The following TRABD2B variants were observed in gnomAD, a reference collection of about 807,000 sequenced individuals.
TRABD2B encodes the protein metalloprotease TIKI2.
Under a neutral mutation model 40.1 loss-of-function variants are expected in TRABD2B, and 14 were observed. That is an observed-to-expected ratio of 0.35 (90% CI 0.23 to 0.55). The LOEUF is 0.55. TRABD2B is among the 20% of genes least tolerant of loss of function. The pLI is 0.90. For synonymous variants in TRABD2B, 263 were observed against 277.0 expected, an observed-to-expected ratio of 0.95 and a Z score of 0.50; for missense variants, 541 against 648.6, an observed-to-expected ratio of 0.83 and a Z score of 1.80.
At chr1:47,942,576 C>T (rs2148364849) in intron 2 of TRABD2B, among the ~76,000 whole-genome samples, 1 of 152,260 alleles carries the variant, frequency 6.6e-6, no homozygotes, top group Admixed American at 6.5e-5. Context: ...ACCTACTGCC[C>T]TCCTGATCAG....
intron 4 of TRABD2B, 117 bp downstream of exon 4, chr1:47,794,469 G>T: frequency 8.3e-7 from 1 of 1,202,532 alleles, no homozygotes; most frequent in Non-Finnish European, 1.1e-6. Flanking sequence ...GCACTGTGTG[G>T]CTTTTCCTGC....
chr1:47,917,504 T>C (rs1490767561), intron 2 of TRABD2B, among the ~76,000 whole-genome samples: 7 of 152,082 alleles, frequency 4.6e-5, no homozygotes, highest in African/African-American at 1.7e-4. Flanking sequence ...GAGGATTGCT[T>C]GAGCCCAGGA....
intron 2 of TRABD2B, among the ~76,000 whole-genome samples, chr1:47,916,934 C>T (rs1329326767): frequency 6.6e-6 from 1 of 152,258 alleles, no homozygotes; most frequent in Non-Finnish European, 1.5e-5. Context: ...AAGCACTGTA[C>T]ACAGTTTAAC....
intron 2 of TRABD2B, among the ~76,000 whole-genome samples, chr1:47,943,352 TCCCATTATTA>T (rs1479502855): frequency 5.3e-5 from 8 of 152,206 alleles, no homozygotes; most frequent in African/African-American, 9.7e-5. Context: ...AGCTTCTACG[TCCCATTATTA>T]CAAGTCAATA....
chr1:47,900,116 C>T (rs1644579715), intron 2 of TRABD2B, among the ~76,000 whole-genome samples: 1 of 152,140 alleles, frequency 6.6e-6, no homozygotes, highest in African/African-American at 2.4e-5. Flanking sequence ...TGGAAACCAC[C>T]TCAGAGTCGG....
intron 3 of TRABD2B, among the ~76,000 whole-genome samples, chr1:47,799,639 CAAGT>C (rs980841777): frequency 2.0e-5 from 3 of 152,076 alleles, no homozygotes; most frequent in South Asian, 2.1e-4. Flanking sequence ...CGTGTGGGGG[CAAGT>C]ACTGATGGAA....
chr1:47,895,169 G>C (rs1644499924), intron 2 of TRABD2B, among the ~76,000 whole-genome samples: 1 of 152,156 alleles, frequency 6.6e-6, no homozygotes, highest in African/African-American at 2.4e-5. Context: ...CAGGGAGGAA[G>C]ACCTGAGTTT....
At chr1:47,872,181 C>T (rs1238015150) in intron 2 of TRABD2B, among the ~76,000 whole-genome samples, 1 of 152,170 alleles carries the variant, frequency 6.6e-6, no homozygotes, top group East Asian at 1.9e-4. Context: ...TGTCTGTGGG[C>T]TCAGGCCTGT....
intron 2 of TRABD2B, among the ~76,000 whole-genome samples, chr1:47,894,516 A>G (rs1290241533): frequency 6.6e-6 from 1 of 152,186 alleles, no homozygotes; most frequent in East Asian, 1.9e-4. Flanking sequence ...CCTAATACCA[A>G]GTGCCACGAA....
chr1:47,990,768 GTTTTATATATATATATATATATATAT>G (rs1266150691), intron 2 of TRABD2B, among the ~76,000 whole-genome samples: 25 of 44,938 alleles, frequency 5.6e-4, no homozygotes, highest in Non-Finnish European at 6.4e-4. Flanking sequence ...TAAAACGTTG[GTTTTATATATATATATATATATATAT>G]ATATATATAT....
At chr1:47,977,620 A>G (rs900884821) in intron 2 of TRABD2B, among the ~76,000 whole-genome samples, 23 of 151,908 alleles carry the variant, frequency 1.5e-4, no homozygotes, top group African/African-American at 5.3e-4. Context: ...CAGAACCCCA[A>G]ATCTCTGACT....
chr1:47,927,820 A>C (rs1644989742), intron 2 of TRABD2B, among the ~76,000 whole-genome samples: 1 of 152,188 alleles, frequency 6.6e-6, no homozygotes, highest in Non-Finnish European at 1.5e-5. Flanking sequence ...ATAGAAACTG[A>C]ATGGAATGAA....
chr1:47,984,297 C>T (rs554382825), intron 2 of TRABD2B, among the ~76,000 whole-genome samples: 1 of 152,236 alleles, frequency 6.6e-6, no homozygotes, highest in Non-Finnish European at 1.5e-5. Context: ...CCGCCTGTGT[C>T]GCTGCCTGAT....
At chr1:47,816,980 C>T (rs1645041261) in intron 2 of TRABD2B, among the ~76,000 whole-genome samples, 1 of 152,150 alleles carries the variant, frequency 6.6e-6, no homozygotes, top group Admixed American at 6.5e-5. Context: ...GACTTCTCTG[C>T]AGATGTAACG....
At chr1:47,894,143 T>C (rs1172165724) in intron 2 of TRABD2B, among the ~76,000 whole-genome samples, 3 of 151,982 alleles carry the variant, frequency 2.0e-5, no homozygotes, top group East Asian at 3.9e-4. Flanking sequence ...TGATACACAG[T>C]GTGGGTGGGG....
intron 6 of TRABD2B, among the ~76,000 whole-genome samples, chr1:47,769,007 A>G (rs1054540554): frequency 2.6e-5 from 4 of 152,180 alleles, no homozygotes; most frequent in African/African-American, 9.7e-5. Context: ...CCATGAGCGA[A>G]GCGTGGGTGC....
rs1470201569 is a variant in TRABD2B at position 47,996,051 on chromosome 1, C to T, written c.102+637G>A. 6.6e-6 allele frequency among the ~76,000 whole-genome samples: 1 copy of T among 152,176 alleles called. No individual in the cohort carries two copies. The highest frequency in any genetic ancestry group is 2.4e-5 in the African/African-American group (1 of 41,454). On this transcript the variant is annotated intron_variant, in intron 1 of 6. Coordinates refer to ENST00000606738, the MANE Select transcript of TRABD2B (RefSeq NM_001194986.2). The surrounding 1 kb of genome is among the most constrained non-coding windows in gnomAD (Gnocchi z 4.6). ...AATATTAGGAGAACCAGTAATTACTCGACCCCAAGAAATATTAGGCCAGTA... is the reference window on the plus strand; with the variant it reads ...AATATTAGGAGAACCAGTAATTACTTGACCCCAAGAAATATTAGGCCAGTA...
At chr1:47,959,669 T>A (rs189189192) in intron 2 of TRABD2B, among the ~76,000 whole-genome samples, 3 of 152,186 alleles carry the variant, frequency 2.0e-5, no homozygotes, top group Admixed American at 6.5e-5. Flanking sequence ...CAGGAAGAAG[T>A]TGAATCCCTG....
chr1:47,764,578 C>T lies in TRABD2B; in HGVS notation c.*1324G>A, dbSNP rs970389851. 1 of 152,298 alleles carries T rather than the reference C, an allele frequency of 6.6e-6. No individual in the cohort carries two copies. The highest frequency in any genetic ancestry group is 6.5e-5 in the Admixed American group (1 of 15,298). 9.4% of individuals were successfully genotyped at this position (152,298 alleles called of 1,614,324 possible). A position where few individuals can be genotyped will look rare whatever the true frequency, so the allele number is the denominator to read the frequency against. Reference sequence around the variant, plus strand: ...TTGGCAGGAAAGCTTCTCGTGGGCTCCAAGATCTGGCAAGTCAGGACATGC... The same window carrying T: ...TTGGCAGGAAAGCTTCTCGTGGGCTTCAAGATCTGGCAAGTCAGGACATGC... On this transcript the variant is annotated 3_prime_UTR_variant, in exon 7 of 7. Coordinates refer to ENST00000606738, the MANE Select transcript of TRABD2B (RefSeq NM_001194986.2).
Sources: gnomAD v4.1 joint callset for allele counts (sites outside exome capture counted in the v4.1 genomes callset) on GRCh38, gnomAD v4.1.1 for gene constraint, Gnocchi (gnomAD v3.1) non-coding constraint, MANE v1.5 for transcripts, NCBI Gene and HGNC (gene_info 2026-07-23, HGNC 2026-07-21) for gene names.